The following CACNA1E variants were observed in gnomAD, a reference collection of about 807,000 sequenced individuals.
The protein encoded by CACNA1E is calcium voltage-gated channel subunit alpha1 E.
In CACNA1E, 40 loss-of-function variants were observed where a neutral mutation model predicts 259.2. The ratio of observed to expected loss-of-function variants is 0.15; its 90% confidence interval spans 0.12 to 0.20. The LOEUF (loss-of-function observed/expected upper bound fraction) is 0.20. CACNA1E is among the 10% of genes least tolerant of loss of function. CACNA1E has a pLI of 1.00. For missense variants in CACNA1E, 1,874 were observed against 3,040.1 expected, an observed-to-expected ratio of 0.62 and a Z score of 9.02; for synonymous variants, 1,104 against 1,138.5, an observed-to-expected ratio of 0.97 and a Z score of 0.61.
At chr1:181,795,451 T>G (rs1477092073) in intron 46 of CACNA1E, among the ~76,000 whole-genome samples, 1 of 152,024 alleles carries the variant, frequency 6.6e-6, no homozygotes, top group Non-Finnish European at 1.5e-5. Flanking sequence ...TGAATTTTTT[T>G]TTTTTTTGAG....
At chr1:181,368,446 A>G (rs1401059542) in intron 1 of CACNA1E, among the ~76,000 whole-genome samples, 1 of 152,248 alleles carries the variant, frequency 6.6e-6, no homozygotes, top group East Asian at 1.9e-4. Flanking sequence ...ATTAGAAATG[A>G]TCAAAGCTGA....
intron 7 of CACNA1E, among the ~76,000 whole-genome samples, chr1:181,659,556 A>G (rs1382286138): frequency 1.3e-5 from 2 of 152,184 alleles, no homozygotes; most frequent in Non-Finnish European, 2.9e-5. Context: ...GTCTCCATCC[A>G]TTGTTGCCTG....
At chr1:181,765,214 C>T (rs1427116099) in intron 34 of CACNA1E, among the ~76,000 whole-genome samples, 3 of 152,148 alleles carry the variant, frequency 2.0e-5, no homozygotes, top group Non-Finnish European at 4.4e-5. Context: ...GAGTTCTTCC[C>T]TCTTTTCCCT....
At chr1:181,477,165 C>T (rs1371403638) in intron 2 of CACNA1E, among the ~76,000 whole-genome samples, 2 of 151,820 alleles carry the variant, frequency 1.3e-5, no homozygotes, top group Non-Finnish European at 2.9e-5. Flanking sequence ...CCCCACCCCC[C>T]AAAACATCCT....
chr1:181,395,670 C>A (rs1208771213), intron 1 of CACNA1E, among the ~76,000 whole-genome samples: 1 of 152,158 alleles, frequency 6.6e-6, no homozygotes, highest in Admixed American at 6.5e-5. Flanking sequence ...GTTTGAAGAG[C>A]AGCTGGGGTT....
At chr1:181,500,212 C>G (rs1386181473) in intron 1 of CACNA1E, among the ~76,000 whole-genome samples, 1 of 152,152 alleles carries the variant, frequency 6.6e-6, no homozygotes, top group African/African-American at 2.4e-5. Context: ...GTTGGTTCAC[C>G]CCTTATGCAT....
intron 7 of CACNA1E, among the ~76,000 whole-genome samples, chr1:181,677,456 A>G (rs1470254429): frequency 6.6e-6 from 1 of 152,160 alleles, no homozygotes; most frequent in African/African-American, 2.4e-5. Context: ...CACCTTCAAG[A>G]CATCCAGCAA....
chr1:181,504,389 CCTGTCAGAG>C (rs1346997588), intron 1 of CACNA1E, among the ~76,000 whole-genome samples: 1 of 152,336 alleles, frequency 6.6e-6, no homozygotes, highest in Middle Eastern at 3.4e-3. Context: ...TATCTGCCTG[CCTGTCAGAG>C]CATGGCCTTC....
At chr1:181,736,190 C>T (rs1656014437) in intron 21 of CACNA1E, 85 bp from the exon 22 acceptor site, 1 of 1,480,652 alleles carries the variant, frequency 6.8e-7, no homozygotes, top group Non-Finnish European at 9.1e-7. Context: ...TTCTCCTCCT[C>T]TCCTTTCATC....
At chr1:181,640,838 G>T (rs1345910600) in intron 6 of CACNA1E, among the ~76,000 whole-genome samples, 1 of 152,150 alleles carries the variant, frequency 6.6e-6, no homozygotes, top group African/African-American at 2.4e-5. Context: ...CAACATTATC[G>T]AGAATCTCCT....
chr1:181,722,259 G>A (rs1041404996), intron 16 of CACNA1E, among the ~76,000 whole-genome samples: 16 of 152,176 alleles, frequency 1.1e-4, no homozygotes, highest in South Asian at 2.1e-4. Flanking sequence ...CTGCCACATA[G>A]TAAGATCCCA....
intron 1 of CACNA1E, among the ~76,000 whole-genome samples, chr1:181,393,358 T>C (rs1656434332): frequency 6.6e-6 from 1 of 152,262 alleles, no homozygotes; most frequent in Admixed American, 6.5e-5. Flanking sequence ...TCTAGCTTAT[T>C]GTAAAAGCTG....
chr1:181,553,339 T>C (rs1297718841), intron 3 of CACNA1E, among the ~76,000 whole-genome samples: 1 of 152,214 alleles, frequency 6.6e-6, no homozygotes, highest in East Asian at 1.9e-4. Context: ...TTGTGATTTT[T>C]GCACATTGAT....
intron 1 of CACNA1E, among the ~76,000 whole-genome samples, chr1:181,352,199 A>T (rs1653091825): frequency 6.6e-6 from 1 of 152,194 alleles, no homozygotes; most frequent in Non-Finnish European, 1.5e-5. Context: ...AAGAGGGATG[A>T]GAAGTTTGGG....
At chr1:181,422,896 A>AT (rs1571832630) in intron 2 of CACNA1E, among the ~76,000 whole-genome samples, 1 of 152,144 alleles carries the variant, frequency 6.6e-6, no homozygotes. Flanking sequence ...GCCTAGCAAC[A>AT]TGGCTTTCTC....
rs528882819 is a variant in CACNA1E, at chr1:181,761,314, C to A, written c.4606-1260C>A. On this transcript the variant is annotated intron_variant, in intron 32 of 47. Coordinates refer to ENST00000367573, the MANE Select transcript of CACNA1E (RefSeq NM_001205293.3). ...TCTTTCTTTATTGGGTATTTTCCCCCAACTCCTCTTGCCAACTCTTCCATT... is the reference window on the plus strand; with the variant it reads ...TCTTTCTTTATTGGGTATTTTCCCCAAACTCCTCTTGCCAACTCTTCCATT... Among the ~76,000 whole-genome samples the A allele has an allele frequency of 5.2e-4, 79 of 152,286 alleles. No individual in the cohort carries two copies. In the South Asian group the frequency reaches 0.016, roughly 31 times the overall value.
intron 1 of CACNA1E, among the ~76,000 whole-genome samples, chr1:181,493,875 C>G (rs1172722282): frequency 6.6e-6 from 1 of 152,216 alleles, no homozygotes; most frequent in Non-Finnish European, 1.5e-5. Flanking sequence ...GCAGGGTCTC[C>G]TTGGCTTGGT....
chr1:181,602,859 T>C (rs964865847), intron 6 of CACNA1E, among the ~76,000 whole-genome samples: 3 of 152,194 alleles, frequency 2.0e-5, no homozygotes, highest in African/African-American at 7.2e-5. Flanking sequence ...TGAGGTTGTA[T>C]TAATAAAAAC....
At chr1:181,544,542 A>G (rs1647251130) in intron 3 of CACNA1E, among the ~76,000 whole-genome samples, 1 of 152,242 alleles carries the variant, frequency 6.6e-6, no homozygotes. Context: ...CAATTGCAGT[A>G]TACGTTTTAA....
Sources: gnomAD v4.1 joint callset for allele counts (sites outside exome capture counted in the v4.1 genomes callset) on GRCh38, gnomAD v4.1.1 for gene constraint, MANE v1.5 for transcripts, NCBI Gene and HGNC (gene_info 2026-07-23, HGNC 2026-07-21) for gene names.